LYPD6B: variants seen among roughly 807,000 people sequenced by gnomAD.
LYPD6B encodes the protein ly6/PLAUR domain-containing protein 6B.
A neutral mutation model predicts 22.8 loss-of-function variants in LYPD6B; 17 were observed. That is an observed-to-expected ratio of 0.75 (90% CI 0.51 to 1.12). The LOEUF is 1.12. Among genes scored for constraint, LYPD6B ranks in the 50% most tolerant of loss-of-function variants. The pLI is 0.00. For synonymous variants in LYPD6B, 106 were observed against 91.6 expected (o/e 1.16, Z -0.90); for missense variants, 221 against 258.3 (o/e 0.86, Z 0.99).
Position 149,120,361 on chromosome 2 carries a change from G to GTA in LYPD6B, c.-66-10500_-66-10499dup, listed in dbSNP as rs764587788. The stretch of plus-strand genomic sequence containing the variant: ...TGTGTATATATATATGTGTGTGTGT[G>GTA]TATATATATATATATATATATATTT... On this transcript the variant is annotated intron_variant, in intron 1 of 6. Coordinates refer to ENST00000409642, the MANE Select transcript of LYPD6B (RefSeq NM_177964.5). Among the ~76,000 whole-genome samples, 349 of 38,730 alleles carry GTA rather than the reference G, an allele frequency of 9.0e-3. 22 individuals carry two copies. The highest frequency in any genetic ancestry group is 0.026 in the East Asian group (28 of 1,060). The allele number at this position is 38,730 out of a possible 152,430, so 25.4% of individuals were successfully genotyped here.
At chr2:149,199,533 G>C (rs1163880047) in intron 3 of LYPD6B, among the ~76,000 whole-genome samples, 1 of 152,120 alleles carries the variant, frequency 6.6e-6, no homozygotes. Context: ...TATAGTGAAG[G>C]CTGAGGCTGA....
chr2:149,157,683 C>T (rs540322772), intron 2 of LYPD6B, among the ~76,000 whole-genome samples: 2 of 152,298 alleles, frequency 1.3e-5, no homozygotes, highest in African/African-American at 4.8e-5. Flanking sequence ...CTTCCATACA[C>T]GTTGAAGGTG....
At chr2:149,082,399 T>G (rs1685177543) in intron 1 of LYPD6B, among the ~76,000 whole-genome samples, 1 of 152,206 alleles carries the variant, frequency 6.6e-6, no homozygotes, top group Non-Finnish European at 1.5e-5. Context: ...GATATATTCT[T>G]TCTCATGATA....
intron 1 of LYPD6B, among the ~76,000 whole-genome samples, chr2:149,046,013 T>C (rs1683288598): frequency 6.6e-6 from 1 of 152,184 alleles, no homozygotes; most frequent in Admixed American, 6.5e-5. Context: ...ATTGTGGATG[T>C]ATCTATTTTT....
chr2:149,202,279 G>C (rs1693210769), intron 3 of LYPD6B, among the ~76,000 whole-genome samples: 1 of 152,072 alleles, frequency 6.6e-6, no homozygotes, highest in South Asian at 2.1e-4. Context: ...CAAAATTCTT[G>C]CTATGGCCTG....
intron 1 of LYPD6B, among the ~76,000 whole-genome samples, chr2:149,059,258 C>A (rs1351215063): frequency 6.6e-6 from 1 of 152,258 alleles, no homozygotes; most frequent in Non-Finnish European, 1.5e-5. Flanking sequence ...TTTCCTTTCA[C>A]TCCTTAATAA....
At chr2:149,066,862 G>T (rs938284483) in intron 1 of LYPD6B, among the ~76,000 whole-genome samples, 37 of 151,764 alleles carry the variant, frequency 2.4e-4, no homozygotes, top group Non-Finnish European at 2.1e-4. Flanking sequence ...TTGTTACATG[G>T]GTATACTGTA....
chr2:149,211,919 G>A (rs1275829245), intron 5 of LYPD6B, among the ~76,000 whole-genome samples: 1 of 152,126 alleles, frequency 6.6e-6, no homozygotes, highest in East Asian at 1.9e-4. Flanking sequence ...ATAATTCTGG[G>A]TAGAAATGAG....
chr2:149,072,882 TTGAG>T (rs548086253), intron 1 of LYPD6B, among the ~76,000 whole-genome samples: 6 of 152,026 alleles, frequency 3.9e-5, no homozygotes, highest in Non-Finnish European at 8.8e-5. Flanking sequence ...CCTGAGACAT[TTGAG>T]TGAAGATGGA....
intron 1 of LYPD6B, among the ~76,000 whole-genome samples, chr2:149,048,663 A>G (rs1683418335): frequency 6.6e-6 from 1 of 152,104 alleles, no homozygotes; most frequent in African/African-American, 2.4e-5. Context: ...CATGGATTTG[A>G]GAAGGTTATG....
chr2:149,066,575 A>G (rs1316577402), intron 1 of LYPD6B, among the ~76,000 whole-genome samples: 1 of 152,022 alleles, frequency 6.6e-6, no homozygotes, highest in East Asian at 1.9e-4. Flanking sequence ...CCAGTCTATC[A>G]TTGTTGGACA....
intron 1 of LYPD6B, among the ~76,000 whole-genome samples, chr2:149,120,782 G>A (rs971476504): frequency 7.0e-5 from 6 of 85,830 alleles, no homozygotes; most frequent in African/African-American, 2.7e-4. Flanking sequence ...ATGCTACAAA[G>A]TCTTTTTTTT....
chr2:149,052,842 A>G (rs914874684), intron 1 of LYPD6B, among the ~76,000 whole-genome samples: 18 of 152,284 alleles, frequency 1.2e-4, no homozygotes, highest in Admixed American at 9.8e-4. Flanking sequence ...TTTATTATGG[A>G]AAAAGGGGAA....
intron 1 of LYPD6B, among the ~76,000 whole-genome samples, chr2:149,048,454 G>T (rs182520933): frequency 2.0e-5 from 3 of 152,286 alleles, no homozygotes; most frequent in East Asian, 3.9e-4. Context: ...GTCTTCCTGT[G>T]GTACTGGGCC....
chr2:149,047,272 T>G (rs1683351847), intron 1 of LYPD6B, among the ~76,000 whole-genome samples: 1 of 152,168 alleles, frequency 6.6e-6, no homozygotes, highest in South Asian at 2.1e-4. Context: ...CTCTTTGATT[T>G]CTATTTTTCC....
chr2:149,172,134 C>T lies in LYPD6B; in HGVS notation c.77+11299C>T, dbSNP rs550847295. Among the ~76,000 whole-genome samples the T allele has an allele frequency of 2.0e-5, 3 of 152,294 alleles. No individual in the cohort carries two copies. The East Asian group carries it at 5.8e-4, about 29-fold the overall frequency. Reference sequence around the variant, plus strand: ...CAATCATGGCAGAAGGGGAAGCAAACATGTCCTTCTTCACATGGCGGCAGG... The same window carrying T: ...CAATCATGGCAGAAGGGGAAGCAAATATGTCCTTCTTCACATGGCGGCAGG... On this transcript the variant is annotated intron_variant, in intron 3 of 6. Coordinates refer to ENST00000409642, the MANE Select transcript of LYPD6B (RefSeq NM_177964.5).
chr2:149,109,908 A>G (rs1686676259), intron 1 of LYPD6B, among the ~76,000 whole-genome samples: 1 of 151,898 alleles, frequency 6.6e-6, no homozygotes, highest in South Asian at 2.1e-4. Flanking sequence ...ATGGGGTTTC[A>G]CCATATTGGT....
At chr2:149,051,913 G>A (rs894313254) in intron 1 of LYPD6B, among the ~76,000 whole-genome samples, 1 of 151,946 alleles carries the variant, frequency 6.6e-6, no homozygotes, top group East Asian at 1.9e-4. Context: ...TGATCTGCCC[G>A]CCTAATCCCA....
chr2:149,049,142 T>G (rs912071503), intron 1 of LYPD6B, among the ~76,000 whole-genome samples: 2 of 152,332 alleles, frequency 1.3e-5, no homozygotes, highest in African/African-American at 2.4e-5. Context: ...TCTCTCCTAA[T>G]GTGCCTTCAG....
Sources: gnomAD v4.1 joint callset for allele counts (sites outside exome capture counted in the v4.1 genomes callset) on GRCh38, gnomAD v4.1.1 for gene constraint, MANE v1.5 for transcripts, NCBI Gene and HGNC (gene_info 2026-07-23, HGNC 2026-07-21) for gene names.